The following TM6SF1 variants were observed in gnomAD, a reference collection of about 807,000 sequenced individuals.
TM6SF1 encodes transmembrane 6 superfamily member 1.
A neutral mutation model predicts 47.1 loss-of-function variants in TM6SF1; 43 were observed. The ratio of observed to expected loss-of-function variants is 0.91; its 90% CI spans 0.72 to 1.18. The LOEUF (loss-of-function observed/expected upper bound fraction) is 1.18, where lower values mean the gene tolerates loss of function less well. Ranked by LOEUF, TM6SF1 falls within the 50% of genes most tolerant of loss-of-function variation. The pLI is 0.00. For synonymous variants in TM6SF1, 177 were observed against 166.3 expected, an observed-to-expected ratio of 1.06 and a Z score of -0.49; for missense variants, 390 against 449.0, an observed-to-expected ratio of 0.87 and a Z score of 1.19.
At chr15:83,125,894 G>A (rs1160712445) in intron 7 of TM6SF1, among the ~76,000 whole-genome samples, 1 of 152,190 alleles carries the variant, frequency 6.6e-6, no homozygotes, top group African/African-American at 2.4e-5. Context: ...GCTAACAGGA[G>A]GAGGGGCATG....
rs1288882093 is a variant in TM6SF1, at chr15:83,137,277, T to C, written c.*605T>C. The C allele has an allele frequency of 2.0e-5, 3 of 152,204 alleles. No homozygotes were observed. The highest frequency in any genetic ancestry group is 2.0e-4 in the Admixed American group (3 of 15,286). The allele number at this position is 152,204 out of a possible 1,614,324, so 9.4% of individuals were successfully genotyped here. A position where few individuals can be genotyped will look rare whatever the true frequency, so the allele number is the denominator to read the frequency against. ...TCAGTAACTTTATCTCTATCCTTAATGAACATTTGTTTTATTGGTGGCTGG... is the reference window on the plus strand; with the variant it reads ...TCAGTAACTTTATCTCTATCCTTAACGAACATTTGTTTTATTGGTGGCTGG... On this transcript the variant is annotated 3_prime_UTR_variant, in exon 10 of 10. Coordinates refer to ENST00000322019, the MANE Select transcript of TM6SF1 (RefSeq NM_023003.5).
intron 9 of TM6SF1, 92 bp from the exon 10 acceptor site, chr15:83,136,389 A>G: frequency 8.8e-7 from 1 of 1,134,728 alleles, no homozygotes; most frequent in Admixed American, 3.0e-5. Flanking sequence ...GAGGGCACAG[A>G]AACGTAGCCT....
rs2033784016 is a variant in TM6SF1 at position 83,107,695 on chromosome 15, G to A, written c.15G>A (p.Ala5=). 1 of 1,560,630 alleles carries A rather than the reference G, an allele frequency of 6.4e-7. No homozygotes were observed. The highest frequency in any genetic ancestry group is 1.2e-5 in the South Asian group (1 of 85,674). ...CGGCGGCTGCGATGAGTGCCTCTGC[G>A]GCCACCGGGGTCTTCGTGCTGTCCC... MSAS[A]ATGVFVLSLS... The change falls in exon 1 of 10, where the codon GCG becomes GCA. Residue 5 remains alanine, a synonymous_variant. Coordinates refer to ENST00000322019, the MANE Select transcript of TM6SF1 (RefSeq NM_023003.5). The surrounding 1 kb of genome is among the most constrained non-coding windows in gnomAD (Gnocchi z 5.6).
chr15:83,135,860 A>G (rs1381671182), intron 9 of TM6SF1: 5 of 152,236 alleles, frequency 3.3e-5, no homozygotes, highest in Non-Finnish European at 7.3e-5. Context: ...CTTATCTTAC[A>G]AACAACCCTT....
At chr15:83,120,049 A>G (rs1489301447) in intron 4 of TM6SF1, 2 of 226,268 alleles carry the variant, frequency 8.8e-6, no homozygotes, top group East Asian at 2.1e-4. Context: ...CCTTCCCCAG[A>G]TCAGGCACAG....
At chr15:83,119,954 C>A in intron 4 of TM6SF1, 1 of 358,488 alleles carries the variant, frequency 2.8e-6, no homozygotes, top group Non-Finnish European at 5.1e-6. Flanking sequence ...TTATTTTCAG[C>A]AATTAAAGCT....
intron 6 of TM6SF1, among the ~76,000 whole-genome samples, chr15:83,124,158 G>C (rs2035518642): frequency 6.6e-6 from 1 of 152,136 alleles, no homozygotes; most frequent in South Asian, 2.1e-4. Flanking sequence ...AAACATGTGG[G>C]AAAGTGCTTA....
intron 3 of TM6SF1, among the ~76,000 whole-genome samples, chr15:83,116,407 C>T (rs1445298208): frequency 6.6e-6 from 1 of 152,162 alleles, no homozygotes; most frequent in Non-Finnish European, 1.5e-5. Flanking sequence ...ACCTGGTACT[C>T]GAGAGAGCTA....
chr15:83,122,452 T>G (rs924605453), intron 5 of TM6SF1, among the ~76,000 whole-genome samples: 1 of 152,176 alleles, frequency 6.6e-6, no homozygotes, highest in African/African-American at 2.4e-5. Flanking sequence ...CAAACATATA[T>G]AGATACCTAT....
chr15:83,113,242 C>G, intron 2 of TM6SF1: 1 of 381,470 alleles, frequency 2.6e-6, no homozygotes, highest in Non-Finnish European at 5.0e-6. Flanking sequence ...AGCAGTCCCC[C>G]CCACTTAGTG....
At chr15:83,135,530 A>G (rs991008232) in intron 9 of TM6SF1, 1 of 152,218 alleles carries the variant, frequency 6.6e-6, no homozygotes, top group African/African-American at 2.4e-5. Context: ...CTCCAGGGGT[A>G]CATTTTGTAA....
chr15:83,121,886 AC>A, intron 4 of TM6SF1, 34 bp from the exon 5 acceptor site: 1 of 1,518,398 alleles, frequency 6.6e-7, no homozygotes, highest in Non-Finnish European at 9.0e-7. Context: ...AGACAAACAT[AC>A]CAAGTCAAGA....
In TM6SF1 at chr15:83,119,581, G is replaced by T; in HGVS notation, c.298G>T (p.Glu100Ter). The change falls in exon 4 of 10, where the codon GAA (glutamate) becomes TAA (stop). Residue 100 changes from glutamate to a stop codon, truncating the protein, a stop_gained. Transcript: ENST00000322019. LOFTEE classifies it high-confidence loss of function. ...TTCTTTTTAATGCTTTCTTTAGGGTGAACCGTATCTGAACACCGCATATGG... is the reference window on the plus strand; with the variant it reads ...TTCTTTTTAATGCTTTCTTTAGGGTTAACCGTATCTGAACACCGCATATGG... ...GFMTHYLREG[E>*]PYLNTAYGHM... 6.2e-7 allele frequency: 1 copy of T among 1,614,070 alleles called. No homozygotes were observed. Among genetic ancestry groups the T allele is most frequent in the South Asian group, 1.1e-5 (1 of 91,064 alleles).
At chr15:83,122,088 T>C (rs997565719) in intron 5 of TM6SF1, 85 bp downstream of exon 5, 3 of 1,065,934 alleles carry the variant, frequency 2.8e-6, no homozygotes, top group Non-Finnish European at 2.8e-6. Context: ...TTAGTTATAA[T>C]AGAACCAAGT....
At chr15:83,117,631 T>C (rs906046414) in intron 3 of TM6SF1, among the ~76,000 whole-genome samples, 7 of 151,620 alleles carry the variant, frequency 4.6e-5, no homozygotes, top group South Asian at 4.2e-4. Flanking sequence ...GTGGTAAGCA[T>C]TGGGGCAGAC....
At chr15:83,112,997 C>A in intron 2 of TM6SF1, 97 bp downstream of exon 2, 1 of 1,053,064 alleles carries the variant, frequency 9.5e-7, no homozygotes, top group Non-Finnish European at 1.5e-6. Context: ...ATACTCTGAG[C>A]CCTTTGGTAA....
intron 9 of TM6SF1, chr15:83,128,442 C>G (rs1416809105): frequency 2.0e-5 from 3 of 152,202 alleles, no homozygotes; most frequent in Non-Finnish European, 4.4e-5. Flanking sequence ...AGGAAGAGAA[C>G]TAACATTTAT....
chr15:83,136,333 C>T (rs2036602839), intron 9 of TM6SF1, 148 bp from the exon 10 acceptor site: 4 of 524,724 alleles, frequency 7.6e-6, no homozygotes, highest in Non-Finnish European at 1.3e-5. Flanking sequence ...ACATTAAAGA[C>T]TCTGGATTGT....
In TM6SF1 at chr15:83,127,412, T is replaced by C; in HGVS notation, c.856T>C (p.Leu286=). 1 of 1,614,060 alleles carries C rather than the reference T, an allele frequency of 6.2e-7. No homozygotes were observed. Among genetic ancestry groups the C allele is most frequent in the Non-Finnish European group, 8.5e-7 (1 of 1,179,948 alleles). ...TTACTTTGTGACTGCACTGTATGGC[T>C]TAGTGGTTCCTGGATGTTCCTGGAT... is the stretch of plus-strand genomic sequence containing the variant. ...VPYFVTALYG[L]VVPGCSWMPD... The change falls in exon 9 of 10, where the codon TTA becomes CTA. Residue 286 remains leucine, a synonymous_variant. Coordinates refer to ENST00000322019, the MANE Select transcript of TM6SF1 (RefSeq NM_023003.5).
Sources: allele counts gnomAD v4.1 joint callset (sites outside exome capture counted in the v4.1 genomes callset), GRCh38; gene constraint gnomAD v4.1.1; non-coding constraint Gnocchi (gnomAD v3.1); transcripts MANE v1.5; gene names NCBI Gene and HGNC (gene_info 2026-07-23, HGNC 2026-07-21).